Variants in PCDHGB4 observed in about 807,000 individuals in gnomAD.
PCDHGB4 encodes the protein protocadherin gamma-B4.
A neutral mutation model predicts 60.5 loss-of-function variants in PCDHGB4; 38 were observed. The observed-to-expected ratio is 0.63, with a 90% CI of 0.48 to 0.82. The LOEUF (loss-of-function observed/expected upper bound fraction) is 0.82. Ranked by LOEUF, PCDHGB4 falls within the 40% of genes least tolerant of loss-of-function variation. The pLI is 0.00. For missense variants in PCDHGB4, 1,109 were observed against 1,209.6 expected (o/e 0.92, Z 1.23); for synonymous variants, 456 against 509.7 (o/e 0.89, Z 1.42).
chr5:141,433,837 C>CAAAAAAAAAAAAAAA (rs56191208), intron 1 of PCDHGB4, among the ~76,000 whole-genome samples: 1 of 111,692 alleles, frequency 9.0e-6, no homozygotes. Flanking sequence ...AACTCTATCT[C>CAAAAAAAAAAAAAAA]AAAAAAAAAA....
chr5:141,491,901 G>C lies in PCDHGB4; in HGVS notation c.2398-2906G>C, dbSNP rs1196717010. 1 of 1,429,696 alleles carries C rather than the reference G, an allele frequency of 7.0e-7. No homozygotes were observed. The highest frequency in any genetic ancestry group is 9.3e-7 in the Non-Finnish European group (1 of 1,080,148). 88.6% of individuals were successfully genotyped at this position (1,429,696 alleles called of 1,614,324 possible). ...AAGGGATGGGGCTCCGAGCACCGGG[G>C]GTGGTGGCGACTGTGGGCGAGGGGA... On this transcript the variant is annotated intron_variant, in intron 1 of 3. Transcript: ENST00000519479. The surrounding 1 kb of genome is among the most constrained non-coding windows in gnomAD (Gnocchi z 6.9).
intron 1 of PCDHGB4, chr5:141,419,023 A>C: frequency 6.2e-7 from 1 of 1,613,958 alleles, no homozygotes; most frequent in East Asian, 2.2e-5. Context: ...GCTTAAGTAG[A>C]GGTGTTCCAT....
Position 141,431,325 on chromosome 5 carries a change from G to GT in PCDHGB4, c.2397+41045dup, listed in dbSNP as rs1340996903. On this transcript the variant is annotated intron_variant, in intron 1 of 3. Transcript: ENST00000519479. This position sits in a 1 kb window ranked among gnomAD's most constrained non-coding sequence, Gnocchi z 4.8. ...ATCGTGCAAAATGGAGCCGACGGTA[G>GT]TAAGTACCCCGAATTGGTGCTGAAA... 22 of 1,614,028 alleles carry GT rather than the reference G, an allele frequency of 1.4e-5. No homozygotes were observed. In the Admixed American group the frequency reaches 2.5e-4, roughly 18 times the overall value.
At chr5:141,409,462 C>A (rs377705841) in intron 1 of PCDHGB4, 64 of 1,613,870 alleles carry the variant, frequency 4.0e-5, no homozygotes, top group Non-Finnish European at 5.3e-5. Flanking sequence ...AATACAATGT[C>A]ACCATCGTAG....
chr5:141,421,219 G>C (rs894586889), intron 1 of PCDHGB4: 1 of 1,573,208 alleles, frequency 6.4e-7, no homozygotes. Context: ...TATCGGCTTA[G>C]AGCCTGCCAT....
rs1377364370 is a variant in PCDHGB4, at chr5:141,477,489, C to T, written c.2398-17318C>T. 1 of 1,614,048 alleles carries T rather than the reference C, an allele frequency of 6.2e-7. No homozygotes were observed. Among genetic ancestry groups the T allele is most frequent in the Non-Finnish European group, 8.5e-7 (1 of 1,180,044 alleles). On this transcript the variant is annotated intron_variant, in intron 1 of 3. Coordinates refer to ENST00000519479, the MANE Select transcript of PCDHGB4 (RefSeq NM_003736.4). This position sits in a 1 kb window ranked among gnomAD's most constrained non-coding sequence, Gnocchi z 4.9. ...ATCAATGACAACCCTCCACAATCTT[C>T]TCAATCTTCCTACGACGTTTACATT...
At chr5:141,408,879 C>A in intron 1 of PCDHGB4, 1 of 1,613,504 alleles carries the variant, frequency 6.2e-7, no homozygotes. Context: ...AGTGCCACCG[C>A]TCACATAGAA....
chr5:141,510,853 CTGT>C, intron 3 of PCDHGB4, 91 bp from the exon 4 acceptor site: 3 of 1,601,238 alleles, frequency 1.9e-6, no homozygotes, highest in Middle Eastern at 1.7e-4. Context: ...GCCCAGGGTG[CTGT>C]ATAGGCATTC....
At chr5:141,418,895 GAA>G (rs746676640) in intron 1 of PCDHGB4, 1 of 1,613,998 alleles carries the variant, frequency 6.2e-7, no homozygotes, top group Admixed American at 1.7e-5. Flanking sequence ...CAACAGCCCA[GAA>G]ATAATCATCA....
At chr5:141,396,764 T>C (rs1040059955) in intron 1 of PCDHGB4, 1 of 152,236 alleles carries the variant, frequency 6.6e-6, no homozygotes, top group Non-Finnish European at 1.5e-5. Context: ...CCAATAAATG[T>C]TTGTTATTAA....
At chr5:141,464,923 A>G (rs544281066) in intron 1 of PCDHGB4, among the ~76,000 whole-genome samples, 3 of 151,406 alleles carry the variant, frequency 2.0e-5, no homozygotes, top group Non-Finnish European at 4.4e-5. Flanking sequence ...ATTTTTTTGT[A>G]GAGATGTGAG....
At chr5:141,405,363 C>A (rs765508317) in intron 1 of PCDHGB4, 3 of 1,613,808 alleles carry the variant, frequency 1.9e-6, no homozygotes, top group South Asian at 1.1e-5. Context: ...ATAGAAGACA[C>A]CCCTTTGGTT....
At chr5:141,397,923 C>T in intron 1 of PCDHGB4, 1 of 738,672 alleles carries the variant, frequency 1.4e-6, no homozygotes, top group East Asian at 2.8e-5. Flanking sequence ...GATCTCCTCG[C>T]GCAGCCGCAG....
At chr5:141,404,170 G>T in intron 1 of PCDHGB4, 1 of 1,612,740 alleles carries the variant, frequency 6.2e-7, no homozygotes, top group Non-Finnish European at 8.5e-7. Flanking sequence ...GATTGTTGAC[G>T]GCCCAAATTC....
rs2099694919 is a variant in PCDHGB4, at chr5:141,490,016, C to T, written c.2398-4791C>T. The T allele has an allele frequency of 6.2e-7, 1 of 1,614,158 alleles. No individual in the cohort carries two copies. The highest frequency in any genetic ancestry group is 8.5e-7 in the Non-Finnish European group (1 of 1,180,060). On this transcript the variant is annotated intron_variant, in intron 1 of 3. Transcript: ENST00000519479. This position sits in a 1 kb window ranked among gnomAD's most constrained non-coding sequence, Gnocchi z 5.4. ...ATCCCAGAGAATGCACCCATTGGTACTCTGCTGCTCCGCCTCAATGCCACT... is the reference window on the plus strand; with the variant it reads ...ATCCCAGAGAATGCACCCATTGGTATTCTGCTGCTCCGCCTCAATGCCACT...
rs1251686604 is a variant in PCDHGB4 at position 141,485,257 on chromosome 5, T to C, written c.2398-9550T>C. ...TCTTTTACCACCTGGGTTACGTTTG[T>C]GGGCAGATCCGCTACCCGGTCCCAG... is the stretch of plus-strand genomic sequence containing the variant. On this transcript the variant is annotated intron_variant, in intron 1 of 3. Coordinates refer to ENST00000519479, the MANE Select transcript of PCDHGB4 (RefSeq NM_003736.4). This position sits in a 1 kb window ranked among gnomAD's most constrained non-coding sequence, Gnocchi z 5.7. The C allele has an allele frequency of 6.2e-7, 1 of 1,614,154 alleles. No homozygotes were observed.
intron 1 of PCDHGB4, among the ~76,000 whole-genome samples, chr5:141,425,699 G>A (rs535043616): frequency 6.6e-6 from 1 of 152,260 alleles, no homozygotes; most frequent in Non-Finnish European, 1.5e-5. Context: ...ATTTCATAGT[G>A]GTCAAAATTT....
At chr5:141,418,912 ACT>A (rs1457793463) in intron 1 of PCDHGB4, 2 of 1,613,770 alleles carry the variant, frequency 1.2e-6, no homozygotes, top group Non-Finnish European at 1.7e-6. Flanking sequence ...TCATCACGTC[ACT>A]CTCTGATCAG....
Position 141,487,779 on chromosome 5 carries a change from T to C in PCDHGB4, c.2398-7028T>C, listed in dbSNP as rs1269811316. On this transcript the variant is annotated intron_variant, in intron 1 of 3. Coordinates refer to ENST00000519479, the MANE Select transcript of PCDHGB4 (RefSeq NM_003736.4). This position sits in a 1 kb window ranked among gnomAD's most constrained non-coding sequence, Gnocchi z 5.0. ...GTAGACGCTGTGCTTTGTAACTGTT[T>C]CGTGAATTAACCAGAGTTGTCACAG... is the stretch of plus-strand genomic sequence containing the variant. 2.6e-6 allele frequency: 4 copies of C among 1,530,492 alleles called. No individual in the cohort carries two copies. The highest frequency in any genetic ancestry group is 2.6e-6 in the Non-Finnish European group (3 of 1,133,212). The allele number at this position is 1,530,492 out of a possible 1,614,324, so 94.8% of individuals were successfully genotyped here. A position where few individuals can be genotyped will look rare whatever the true frequency, so the allele number is the denominator to read the frequency against.
Sources: gnomAD v4.1 joint callset for allele counts (sites outside exome capture counted in the v4.1 genomes callset) on GRCh38, gnomAD v4.1.1 for gene constraint, Gnocchi (gnomAD v3.1) non-coding constraint, MANE v1.5 for transcripts, NCBI Gene and HGNC (gene_info 2026-07-23, HGNC 2026-07-21) for gene names.